Variants in KAZN observed in about 807,000 individuals in gnomAD.
KAZN encodes the protein kazrin.
A neutral mutation model predicts 87.4 loss-of-function variants in KAZN; 40 were observed. The ratio of observed to expected loss-of-function variants is 0.46; its 90% CI spans 0.36 to 0.60. The LOEUF is 0.60. Ranked by LOEUF, KAZN falls within the 20% of genes least tolerant of loss-of-function variation. KAZN has a pLI of 0.00. For missense variants in KAZN, 898 were observed against 1,073.9 expected (o/e 0.84, Z 2.29); for synonymous variants, 466 against 458.3 (o/e 1.02, Z -0.22).
At chr1:14,073,819 T>A (rs1008984185) in intron 1 of KAZN, among the ~76,000 whole-genome samples, 2 of 152,202 alleles carry the variant, frequency 1.3e-5, no homozygotes, top group South Asian at 4.1e-4. Context: ...TTTGGGTTGG[T>A]TCCAAGTCTT....
intron 1 of KAZN, among the ~76,000 whole-genome samples, chr1:14,891,853 C>A (rs1038173933): frequency 3.3e-5 from 5 of 152,052 alleles, no homozygotes; most frequent in Admixed American, 2.6e-4. Context: ...AAAAAGAAAT[C>A]TCTGAAGTTA....
At chr1:14,249,376 A>G (rs968185836) in intron 2 of KAZN, among the ~76,000 whole-genome samples, 1 of 152,262 alleles carries the variant, frequency 6.6e-6, no homozygotes, top group Admixed American at 6.5e-5. Context: ...CAAGACAGAG[A>G]TTGAATTATT....
At chr1:14,052,551 CA>C (rs1642384082) in intron 1 of KAZN, among the ~76,000 whole-genome samples, 1 of 149,192 alleles carries the variant, frequency 6.7e-6, no homozygotes, top group East Asian at 2.0e-4. Context: ...AAAAAAAAAA[CA>C]AGAGAAATTG....
rs974262749 is a variant in KAZN, at chr1:14,996,592, G to A, written c.418+35717G>A. On this transcript the variant is annotated intron_variant, in intron 2 of 14. Transcript: ENST00000376030. This position sits in a 1 kb window ranked among gnomAD's most constrained non-coding sequence, Gnocchi z 5.9. ...CAGTGGGGAGAAGGCTTATGGCAAC[G>A]CGTTTCTGCCGCCAGCACCCTCCCA... is the stretch of plus-strand genomic sequence containing the variant. Among the ~76,000 whole-genome samples the A allele has an allele frequency of 6.6e-6, 1 of 152,204 alleles. No homozygotes were observed. The highest frequency in any genetic ancestry group is 1.5e-5 in the Non-Finnish European group (1 of 68,046).
chr1:14,845,620 GTT>G (rs1648659069), intron 1 of KAZN, among the ~76,000 whole-genome samples: 1 of 151,908 alleles, frequency 6.6e-6, no homozygotes, highest in African/African-American at 2.4e-5. Flanking sequence ...CCTTCCTTCA[GTT>G]TTGCATGCCC....
intron 2 of KAZN, among the ~76,000 whole-genome samples, chr1:14,469,636 G>C (rs1668341862): frequency 6.6e-6 from 1 of 152,174 alleles, no homozygotes; most frequent in Non-Finnish European, 1.5e-5. Flanking sequence ...TAGGTTCCAG[G>C]ATGGCAATAA....
chr1:15,106,928 AG>A (rs1354427621), intron 13 of KAZN, among the ~76,000 whole-genome samples: 1 of 152,206 alleles, frequency 6.6e-6, no homozygotes, highest in African/African-American at 2.4e-5. Context: ...CAAGGAGCAG[AG>A]GTACCCAAAG....
intron 2 of KAZN, among the ~76,000 whole-genome samples, chr1:14,259,103 G>A (rs1050789108): frequency 7.9e-5 from 12 of 151,988 alleles, no homozygotes; most frequent in Admixed American, 4.6e-4. Context: ...CGGAGTTGAA[G>A]TCACAAAGGC....
At chr1:14,203,798 G>A (rs1197850995) in intron 2 of KAZN, among the ~76,000 whole-genome samples, 1 of 152,214 alleles carries the variant, frequency 6.6e-6, no homozygotes, top group Non-Finnish European at 1.5e-5. Flanking sequence ...ATATGGTAGG[G>A]AGAGTGAAAG....
chr1:14,113,285 A>C (rs1644538394), intron 1 of KAZN, among the ~76,000 whole-genome samples: 1 of 152,254 alleles, frequency 6.6e-6, no homozygotes, highest in Admixed American at 6.5e-5. Flanking sequence ...GGCAGAGAAC[A>C]GAGATGTTCA....
At chr1:14,626,465 A>G (rs1679148426) in intron 1 of KAZN, among the ~76,000 whole-genome samples, 1 of 152,180 alleles carries the variant, frequency 6.6e-6, no homozygotes, top group Non-Finnish European at 1.5e-5. Context: ...CGCAGATGAG[A>G]AAGTGGAGGT....
chr1:14,921,635 T>C (rs1658537398), intron 1 of KAZN, among the ~76,000 whole-genome samples: 1 of 152,240 alleles, frequency 6.6e-6, no homozygotes, highest in African/African-American at 2.4e-5. Context: ...GTCTCTCTGA[T>C]ACCAAATCCA....
At chr1:15,075,570 C>T (rs1001499394) in intron 8 of KAZN, among the ~76,000 whole-genome samples, 6 of 152,128 alleles carry the variant, frequency 3.9e-5, no homozygotes, top group East Asian at 1.9e-4. Flanking sequence ...GGTTCTGTGG[C>T]GATCTCTAAG....
At chr1:15,101,096 G>A (rs1390088407) in intron 10 of KAZN, among the ~76,000 whole-genome samples, 1 of 151,492 alleles carries the variant, frequency 6.6e-6, no homozygotes. Context: ...CTGAGTGTGG[G>A]ATTCTCTCTT....
chr1:14,955,848 G>A (rs1424426623), intron 1 of KAZN, among the ~76,000 whole-genome samples: 1 of 152,308 alleles, frequency 6.6e-6, no homozygotes, highest in South Asian at 2.1e-4. Flanking sequence ...CAGTGCTCAG[G>A]CAAAGCCTGC....
intron 2 of KAZN, among the ~76,000 whole-genome samples, chr1:14,481,630 T>G (rs560600090): frequency 3.7e-4 from 56 of 152,218 alleles, no homozygotes; most frequent in South Asian, 3.1e-3. Context: ...CACTTCGTTT[T>G]TTAAAGTGAA....
At chr1:14,179,196 A>T (rs1035106402) in intron 1 of KAZN, among the ~76,000 whole-genome samples, 2 of 152,154 alleles carry the variant, frequency 1.3e-5, no homozygotes, top group African/African-American at 4.8e-5. Flanking sequence ...ATCTAGGTGT[A>T]GCCCTCCTGC....
At chr1:14,920,414 C>T (rs1296378825) in intron 1 of KAZN, among the ~76,000 whole-genome samples, 1 of 150,996 alleles carries the variant, frequency 6.6e-6, no homozygotes, top group Non-Finnish European at 1.5e-5. Context: ...CCTCTGAAGT[C>T]ACACTATGCC....
At chr1:14,505,966 T>A (rs1193001462) in intron 2 of KAZN, among the ~76,000 whole-genome samples, 3 of 152,074 alleles carry the variant, frequency 2.0e-5, no homozygotes, top group African/African-American at 2.4e-5. Flanking sequence ...AGAGCAAGAC[T>A]CCATCTCAAA....
Sources: gnomAD v4.1 joint callset for allele counts (sites outside exome capture counted in the v4.1 genomes callset) on GRCh38, gnomAD v4.1.1 for gene constraint, Gnocchi (gnomAD v3.1) non-coding constraint, MANE v1.5 for transcripts, NCBI Gene and HGNC (gene_info 2026-07-23, HGNC 2026-07-21) for gene names.